CDH13: variants seen among roughly 807,000 people sequenced by gnomAD.
CDH13 encodes the protein cadherin 13.
Under a neutral mutation model 63.8 loss-of-function variants are expected in CDH13, and 24 were observed. That is an observed-to-expected ratio of 0.38 (90% CI 0.27 to 0.53). The LOEUF (loss-of-function observed/expected upper bound fraction) is 0.53, where lower values mean the gene tolerates loss of function less well. CDH13 is among the 20% of genes least tolerant of loss of function. The probability of loss-of-function intolerance (pLI) is 0.85; values close to 1 mark genes in which losing one functional copy is unlikely to be tolerated. For missense variants in CDH13, 1,049 were observed against 903.1 expected (o/e 1.16, Z -2.07); for synonymous variants, 503 against 355.3 (o/e 1.42, Z -4.67).
At chr16:83,356,992 G>C (rs1461304025) in intron 6 of CDH13, among the ~76,000 whole-genome samples, 1 of 152,210 alleles carries the variant, frequency 6.6e-6, no homozygotes, top group Admixed American at 6.5e-5. Context: ...CTTTTCTTTA[G>C]TGTGTCACCA....
intron 1 of CDH13, among the ~76,000 whole-genome samples, chr16:82,654,165 A>C (rs2048773694): frequency 6.6e-6 from 1 of 152,190 alleles, no homozygotes; most frequent in Non-Finnish European, 1.5e-5. Context: ...AGATAGAGAA[A>C]GGATGAATTC....
chr16:83,075,360 C>A (rs904257595), intron 3 of CDH13, among the ~76,000 whole-genome samples: 3 of 152,216 alleles, frequency 2.0e-5, no homozygotes, highest in African/African-American at 7.2e-5. Context: ...AGGTTTACCA[C>A]CTGAGCTCTC....
chr16:83,118,713 C>G (rs563005420), intron 3 of CDH13, among the ~76,000 whole-genome samples: 5 of 152,226 alleles, frequency 3.3e-5, no homozygotes, highest in Non-Finnish European at 2.9e-5. Context: ...ATTCTCATAA[C>G]CTAGAGGACG....
intron 1 of CDH13, among the ~76,000 whole-genome samples, chr16:82,732,956 G>T (rs574496139): frequency 6.6e-6 from 1 of 152,298 alleles, no homozygotes; most frequent in East Asian, 1.9e-4. Context: ...GACAAATGGA[G>T]TTGAAGCTGT....
intron 11 of CDH13, among the ~76,000 whole-genome samples, chr16:83,762,459 T>A (rs1914054196): frequency 6.6e-6 from 1 of 152,134 alleles, no homozygotes; most frequent in Non-Finnish European, 1.5e-5. Context: ...ATGGAATCCC[T>A]TTGGGGATGT....
intron 3 of CDH13, among the ~76,000 whole-genome samples, chr16:83,122,578 A>T (rs571379505): frequency 1.3e-5 from 2 of 152,320 alleles, no homozygotes; most frequent in African/African-American, 4.8e-5. Flanking sequence ...ACAAGTCTCC[A>T]TAATGCCTGA....
chr16:83,021,355 C>T (rs1279085926), intron 2 of CDH13, among the ~76,000 whole-genome samples: 1 of 152,166 alleles, frequency 6.6e-6, no homozygotes, highest in Non-Finnish European at 1.5e-5. Context: ...GTGATTATAA[C>T]CACCATGGGA....
intron 5 of CDH13, among the ~76,000 whole-genome samples, chr16:83,243,220 G>A (rs1461872757): frequency 4.6e-5 from 7 of 152,042 alleles, no homozygotes; most frequent in South Asian, 2.1e-4. Flanking sequence ...TCTGTTTCAC[G>A]CTGCTGATAA....
chr16:83,051,569 G>T (rs1410069608), intron 3 of CDH13, among the ~76,000 whole-genome samples: 2 of 152,138 alleles, frequency 1.3e-5, no homozygotes, highest in African/African-American at 4.8e-5. Context: ...TACAAGATTT[G>T]CAAATTCCAT....
At chr16:82,833,771 C>G (rs572061477) in intron 1 of CDH13, among the ~76,000 whole-genome samples, 1 of 152,168 alleles carries the variant, frequency 6.6e-6, no homozygotes, top group South Asian at 2.1e-4. Context: ...AGCCCTGGCT[C>G]TGTGCAAGTC....
At chr16:82,786,153 T>C (rs1265828044) in intron 1 of CDH13, among the ~76,000 whole-genome samples, 2 of 151,902 alleles carry the variant, frequency 1.3e-5, no homozygotes, top group Non-Finnish European at 2.9e-5. Context: ...CAGGGTGGAG[T>C]AGGTAATGGA....
At chr16:83,435,675 C>A (rs1196188816) in intron 6 of CDH13, among the ~76,000 whole-genome samples, 9 of 152,188 alleles carry the variant, frequency 5.9e-5, no homozygotes, top group Admixed American at 5.9e-4. Context: ...GTCCAGATGA[C>A]TGTTGCTCAG....
intron 6 of CDH13, among the ~76,000 whole-genome samples, chr16:83,456,150 G>A (rs2073019478): frequency 6.6e-6 from 1 of 152,192 alleles, no homozygotes; most frequent in Non-Finnish European, 1.5e-5. Flanking sequence ...TGTGTGCCAG[G>A]CACCACGAGC....
chr16:82,945,066 G>A (rs1426805980), intron 2 of CDH13, among the ~76,000 whole-genome samples: 2 of 152,156 alleles, frequency 1.3e-5, no homozygotes, highest in Admixed American at 6.5e-5. Context: ...AATAGAAACA[G>A]TCATTATACT....
At chr16:83,674,610 G>T (rs899830640) in intron 9 of CDH13, among the ~76,000 whole-genome samples, 1 of 152,254 alleles carries the variant, frequency 6.6e-6, no homozygotes, top group Non-Finnish European at 1.5e-5. Context: ...GGGCAGTCAA[G>T]CACAAGCAGG....
chr16:83,524,633 T>C (rs1252473766), intron 7 of CDH13, among the ~76,000 whole-genome samples: 1 of 151,972 alleles, frequency 6.6e-6, no homozygotes, highest in African/African-American at 2.4e-5. Flanking sequence ...TTTGTACTTT[T>C]AGTAGAGATG....
At chr16:83,271,128 C>G (rs577554477) in intron 5 of CDH13, among the ~76,000 whole-genome samples, 1 of 151,964 alleles carries the variant, frequency 6.6e-6, no homozygotes, top group African/African-American at 2.4e-5. Flanking sequence ...TCTTGGAAAG[C>G]AGTTTATTGG....
intron 6 of CDH13, among the ~76,000 whole-genome samples, chr16:83,365,542 T>G (rs2091243283): frequency 6.6e-6 from 1 of 152,176 alleles, no homozygotes; most frequent in Non-Finnish European, 1.5e-5. Flanking sequence ...CTCCACCTCC[T>G]GGCATTACTC....
At chr16:83,509,213 G>A (rs2074497494) in intron 7 of CDH13, among the ~76,000 whole-genome samples, 1 of 152,182 alleles carries the variant, frequency 6.6e-6, no homozygotes, top group African/African-American at 2.4e-5. Flanking sequence ...ACAAAGTATA[G>A]CAGGGAGGCG....
Sources: gnomAD v4.1 joint callset for allele counts (sites outside exome capture counted in the v4.1 genomes callset) on GRCh38, gnomAD v4.1.1 for gene constraint, MANE v1.5 for transcripts, NCBI Gene and HGNC (gene_info 2026-07-23, HGNC 2026-07-21) for gene names.